Variants in CACNA2D4 observed in about 807,000 individuals in gnomAD.
CACNA2D4 encodes voltage-dependent calcium channel subunit alpha-2/delta-4.
A neutral mutation model predicts 163.8 loss-of-function variants in CACNA2D4; 157 were observed. That is an observed-to-expected ratio of 0.96 (90% CI 0.84 to 1.09). The LOEUF (loss-of-function observed/expected upper bound fraction) is 1.09. Among genes scored for constraint, CACNA2D4 ranks in the 50% least tolerant of loss-of-function variants. CACNA2D4 has a pLI of 0.00. For missense variants in CACNA2D4, 1,410 were observed against 1,479.9 expected (o/e 0.95, Z 0.78); for synonymous variants, 598 against 586.9 (o/e 1.02, Z -0.27).
intron 3 of CACNA2D4, among the ~76,000 whole-genome samples, chr12:1,911,791 G>T (rs1175786761): frequency 6.6e-6 from 1 of 152,196 alleles, no homozygotes; most frequent in Non-Finnish European, 1.5e-5. Flanking sequence ...CCTGAAGTCA[G>T]GCGAGTCTCA....
In CACNA2D4 at chr12:1,847,171, C is replaced by T. The variant is rs187280546; in HGVS notation, c.2247-482G>A. Among the ~76,000 whole-genome samples, 678 of 152,320 alleles carry T rather than the reference C, an allele frequency of 4.5e-3. 6 individuals carry two copies. Among genetic ancestry groups the T allele is most frequent in the African/African-American group, 0.015 (637 of 41,580 alleles). ...TACACCCACCCAGGAGAAGTCCCAA[C>T]GGACCTCATAACCTTGCCGTTGAGA... On this transcript the variant is annotated intron_variant, in intron 23 of 37. Coordinates refer to ENST00000382722, the MANE Select transcript of CACNA2D4 (RefSeq NM_172364.5).
At chr12:1,857,884 G>A (rs1189240016) in intron 20 of CACNA2D4, among the ~76,000 whole-genome samples, 1 of 152,208 alleles carries the variant, frequency 6.6e-6, no homozygotes, top group African/African-American at 2.4e-5. Context: ...CATTAGGATA[G>A]GCCCTGATCC....
chr12:1,866,295 G>A (rs1865649846), intron 18 of CACNA2D4, among the ~76,000 whole-genome samples: 1 of 152,028 alleles, frequency 6.6e-6, no homozygotes, highest in South Asian at 2.1e-4. Context: ...TTTTTTCAAT[G>A]TTAAATTAAC....
intron 22 of CACNA2D4, 84 bp downstream of exon 22, chr12:1,855,928 C>A (rs766203882): frequency 4.9e-6 from 5 of 1,019,172 alleles, no homozygotes; most frequent in East Asian, 2.4e-5. Context: ...GCAGCCTCCC[C>A]CTGCCTTCCC....
chr12:1,834,741 C>A lies in CACNA2D4; in HGVS notation c.2551+5998G>T. On this transcript the variant is annotated intron_variant, in intron 26 of 37. Transcript: ENST00000382722. The surrounding 1 kb of genome is among the most constrained non-coding windows in gnomAD (Gnocchi z 7.6). The stretch of plus-strand genomic sequence containing the variant: ...GCCTGAGCGCCCATCCCCACCCGGC[C>A]AGGTAGGAAGGGCGGGGAGAGCACA... 1 of 1,569,188 alleles carries A rather than the reference C, an allele frequency of 6.4e-7. No homozygotes were observed. Among genetic ancestry groups the A allele is most frequent in the South Asian group, 1.2e-5 (1 of 86,846 alleles).
intron 6 of CACNA2D4, among the ~76,000 whole-genome samples, chr12:1,890,239 A>G (rs1866247162): frequency 6.6e-6 from 1 of 152,082 alleles, no homozygotes; most frequent in South Asian, 2.1e-4. Context: ...TGGATCTCAT[A>G]CACCCCCAGA....
At chr12:1,811,369 C>T (rs373977708) in intron 27 of CACNA2D4, among the ~76,000 whole-genome samples, 16 of 152,318 alleles carry the variant, frequency 1.1e-4, no homozygotes, top group South Asian at 4.1e-4. Flanking sequence ...GGACCTTGGA[C>T]GGTGGATCGA....
intron 3 of CACNA2D4, among the ~76,000 whole-genome samples, chr12:1,912,816 C>A (rs1473110352): frequency 2.6e-5 from 4 of 152,238 alleles, no homozygotes; most frequent in Non-Finnish European, 5.9e-5. Context: ...CCCCTCCCCT[C>A]TCCTCTTGCT....
chr12:1,860,753 G>A (rs1252042520), intron 18 of CACNA2D4, among the ~76,000 whole-genome samples: 1 of 152,162 alleles, frequency 6.6e-6, no homozygotes, highest in East Asian at 1.9e-4. Context: ...TGTCATCCAT[G>A]CCCGGGCCAC....
intron 26 of CACNA2D4, among the ~76,000 whole-genome samples, chr12:1,825,896 C>T (rs1339111379): frequency 3.3e-5 from 5 of 152,132 alleles, no homozygotes; most frequent in South Asian, 2.1e-4. Context: ...CTTGGGTGGC[C>T]GTGGACTGTG....
At chr12:1,847,989 G>T (rs1318964896) in intron 23 of CACNA2D4, among the ~76,000 whole-genome samples, 1 of 152,074 alleles carries the variant, frequency 6.6e-6, no homozygotes, top group Non-Finnish European at 1.5e-5. Flanking sequence ...TCTGCCTAAG[G>T]CTCACGCATG....
At chr12:1,795,841 G>A (rs1863106584) in intron 35 of CACNA2D4, 61 bp from the exon 36 acceptor site, 1 of 1,072,554 alleles carries the variant, frequency 9.3e-7, no homozygotes, top group Non-Finnish European at 1.4e-6. Context: ...GGCTTCTAGG[G>A]AAGGAACTTC....
rs116049015 is a variant in CACNA2D4, at chr12:1,828,691, G to T, written c.2551+12048C>A. 6.3e-3 allele frequency among the ~76,000 whole-genome samples: 957 copies of T among 152,290 alleles called. 7 individuals carry two copies. Among genetic ancestry groups the T allele is most frequent in the Middle Eastern group, 0.031 (9 of 292 alleles). On this transcript the variant is annotated intron_variant, in intron 26 of 37. Transcript: ENST00000382722. The surrounding 1 kb of genome is among the most constrained non-coding windows in gnomAD (Gnocchi z 4.2). ...TGGAGATGTCTCTTATGCTCCTTAT[G>T]CCTCCGCTTTCCCAACTCTCGGTAG...
intron 23 of CACNA2D4, among the ~76,000 whole-genome samples, chr12:1,853,329 G>GT (rs1865328766): frequency 6.6e-6 from 1 of 152,218 alleles, no homozygotes; most frequent in Admixed American, 6.5e-5. Flanking sequence ...TTCTGTAGGT[G>GT]TTTTTTATTA....
chr12:1,874,079 G>A lies in CACNA2D4; in HGVS notation c.1878+525C>T, dbSNP rs1265517077. Among the ~76,000 whole-genome samples, 1 of 152,188 alleles carries A rather than the reference G, an allele frequency of 6.6e-6. No homozygotes were observed. The highest frequency in any genetic ancestry group is 2.4e-5 in the African/African-American group (1 of 41,444). ...GTAGACACATTGGAACCTTTTAAGT[G>A]AGAAGATGAAATGATCTTTTATAAA... On this transcript the variant is annotated intron_variant, in intron 18 of 37. Coordinates refer to ENST00000382722, the MANE Select transcript of CACNA2D4 (RefSeq NM_172364.5). The surrounding 1 kb of genome is among the most constrained non-coding windows in gnomAD (Gnocchi z 4.4).
intron 6 of CACNA2D4, among the ~76,000 whole-genome samples, chr12:1,895,717 G>A (rs1866387440): frequency 6.6e-6 from 1 of 152,108 alleles, no homozygotes; most frequent in Non-Finnish European, 1.5e-5. Context: ...CAGCAGTCTT[G>A]AACTCCTGGG....
intron 26 of CACNA2D4, among the ~76,000 whole-genome samples, chr12:1,837,356 C>G (rs1592700602): frequency 6.6e-6 from 1 of 152,294 alleles, no homozygotes; most frequent in South Asian, 2.1e-4. Context: ...GCAAACCATG[C>G]TCTGGGCCTG....
At chr12:1,860,089 T>G in intron 19 of CACNA2D4, 56 bp downstream of exon 19, 1 of 1,412,516 alleles carries the variant, frequency 7.1e-7, no homozygotes, top group Non-Finnish European at 1.0e-6. Flanking sequence ...TAAATATGAG[T>G]TGCTGGTATT....
intron 29 of CACNA2D4, among the ~76,000 whole-genome samples, chr12:1,805,835 T>C (rs1272992329): frequency 2.0e-5 from 3 of 152,230 alleles, no homozygotes; most frequent in Non-Finnish European, 2.9e-5. Flanking sequence ...GTGGAAAGGA[T>C]GGCAACACGT....
Sources: gnomAD v4.1 joint callset for allele counts (sites outside exome capture counted in the v4.1 genomes callset) on GRCh38, gnomAD v4.1.1 for gene constraint, Gnocchi (gnomAD v3.1) non-coding constraint, MANE v1.5 for transcripts, NCBI Gene and HGNC (gene_info 2026-07-23, HGNC 2026-07-21) for gene names.